SMARCD1: variants seen among roughly 807,000 people sequenced by gnomAD.
SMARCD1 encodes the protein SWI/SNF related BAF chromatin remodeling complex subunit D1.
In SMARCD1, 16 loss-of-function variants were observed where a neutral mutation model predicts 70.8. The ratio of observed to expected loss-of-function variants is 0.23; its 90% CI spans 0.15 to 0.34. The LOEUF (loss-of-function observed/expected upper bound fraction) is 0.34. SMARCD1 is among the 10% of genes least tolerant of loss of function. The pLI is 1.00. For synonymous variants in SMARCD1, 249 were observed against 246.0 expected (o/e 1.01, Z -0.11); for missense variants, 409 against 655.5 (o/e 0.62, Z 4.11).
Position 50,085,491 on chromosome 12 carries a change from G to T in SMARCD1, c.122G>T (p.Gly41Val). 1 of 1,239,364 alleles carries T rather than the reference G, an allele frequency of 8.1e-7. No individual in the cohort carries two copies. The highest frequency in any genetic ancestry group is 1.0e-6 in the Non-Finnish European group (1 of 991,530). The allele number at this position is 1,239,364 out of a possible 1,614,324, so 76.8% of individuals were successfully genotyped here. ...ACTCCGGGGCCTCCTGTGCGAATGG[G>T]CCCGGCTCCGGGTCAAGGGCTGTAC... ...GGTPGPPVRMGPAPGQGLYRS... is the reference protein window; with the variant it reads ...GGTPGPPVRMVPAPGQGLYRS... Residue 41 changes from glycine (G) to valine (V), a missense_variant, in exon 1 of 13, where the codon GGC becomes GTC. Gly to Val is a moderately radical substitution (Grantham distance 109). This residue lies in a region of SMARCD1 where 140 missense variants were observed against 156.9 expected (regional missense o/e 0.89). Coordinates refer to ENST00000394963, the MANE Select transcript of SMARCD1 (RefSeq NM_003076.5).
At chr12:50,098,019 T>A (rs1950908276) in intron 11 of SMARCD1, among the ~76,000 whole-genome samples, 1 of 152,116 alleles carries the variant, frequency 6.6e-6, no homozygotes, top group African/African-American at 2.4e-5. Flanking sequence ...TTTGAAGACG[T>A]TCCCAGAAAG....
At chr12:50,090,859 C>G (rs1330590302) in intron 9 of SMARCD1, among the ~76,000 whole-genome samples, 1 of 119,972 alleles carries the variant, frequency 8.3e-6, no homozygotes, top group East Asian at 2.5e-4. Flanking sequence ...GAGTCTCACT[C>G]TGTTGCCCAG....
chr12:50,093,356 G>A (rs1950864270), intron 9 of SMARCD1, among the ~76,000 whole-genome samples: 1 of 151,932 alleles, frequency 6.6e-6, no homozygotes, highest in South Asian at 2.1e-4. Context: ...TTGTATTGAG[G>A]TTTCGCCATG....
chr12:50,097,279 G>A (rs1214938762), intron 11 of SMARCD1, among the ~76,000 whole-genome samples: 1 of 152,220 alleles, frequency 6.6e-6, no homozygotes, highest in Non-Finnish European at 1.5e-5. Flanking sequence ...AGCCGGGCAT[G>A]GTGGCTCACA....
In SMARCD1 at chr12:50,090,004, A is replaced by AG; in HGVS notation, c.873+24dup. 6.3e-7 allele frequency: 1 copy of AG among 1,586,516 alleles called. No individual in the cohort carries two copies. The highest frequency in any genetic ancestry group is 8.7e-7 in the Non-Finnish European group (1 of 1,154,836). ...TTACCAGGTATTCTGTGGTGGTGTG[A>AG]GGGGGTCCAGCTTTCACAGCCACAT... On this transcript the variant is annotated intron_variant, in intron 7 of 12. Transcript: ENST00000394963.
intron 4 of SMARCD1, 82 bp downstream of exon 4, chr12:50,086,960 C>A: frequency 1.5e-6 from 2 of 1,368,104 alleles, no homozygotes; most frequent in Non-Finnish European, 2.0e-6. Context: ...AAATCAAAGG[C>A]ACAGCACAAC....
chr12:50,094,334 C>A, intron 9 of SMARCD1, 103 bp from the exon 10 acceptor site: 5 of 1,161,784 alleles, frequency 4.3e-6, no homozygotes, highest in Non-Finnish European at 4.9e-6. Flanking sequence ...GGCCCTTTTA[C>A]AGTTAGCCCC....
rs1254620098 is a variant in SMARCD1 at position 50,099,840 on chromosome 12, TTCAC to T, written c.*847_*850del. 1.3e-5 allele frequency: 2 copies of T among 152,988 alleles called. No individual in the cohort carries two copies. The highest frequency in any genetic ancestry group is 4.8e-5 in the African/African-American group (2 of 41,448). The allele number at this position is 152,988 out of a possible 1,614,324, so 9.5% of individuals were successfully genotyped here. A position where few individuals can be genotyped will look rare whatever the true frequency, so the allele number is the denominator to read the frequency against. ...GCTGTTTGGAGATGTGACTCATTCA[TTCAC>T]TCACTCCACCCTGCCTCTGCATCCC... is the stretch of plus-strand genomic sequence containing the variant. On this transcript the variant is annotated 3_prime_UTR_variant, in exon 13 of 13. Coordinates refer to ENST00000394963, the MANE Select transcript of SMARCD1 (RefSeq NM_003076.5).
chr12:50,090,573 C>G lies in SMARCD1; in HGVS notation c.1116C>G (p.Ile372Met), dbSNP rs1565739863. The G allele has an allele frequency of 1.2e-6, 2 of 1,613,424 alleles. No homozygotes were observed. The highest frequency in any genetic ancestry group is 1.7e-6 in the Non-Finnish European group (2 of 1,179,370). The change falls in exon 9 of 13, where the codon ATC (isoleucine) becomes ATG (methionine). Residue 372 changes from isoleucine (I) to methionine (M), a missense_variant. By Grantham distance (10) the Ile-to-Met change is conservative. Coordinates refer to ENST00000394963, the MANE Select transcript of SMARCD1 (RefSeq NM_003076.5). ...TGCTTATGCCACCAGAACCTATCAT[C>G]ATTAATCATGTCATCAGGTAGGCCT... ...HALLMPPEPIIINHVISVDPN... is the reference protein window; with the variant it reads ...HALLMPPEPIMINHVISVDPN...
At chr12:50,088,894 A>G (rs1950816294) in intron 6 of SMARCD1, 5 of 251,538 alleles carry the variant, frequency 2.0e-5, no homozygotes, top group Non-Finnish European at 3.8e-5. Flanking sequence ...TTTCAAGGGA[A>G]AGTCTACTGG....
intron 9 of SMARCD1, among the ~76,000 whole-genome samples, chr12:50,093,697 G>A (rs1308751267): frequency 6.6e-6 from 1 of 151,930 alleles, no homozygotes; most frequent in African/African-American, 2.4e-5. Flanking sequence ...GTGTAGGCTG[G>A]TCTCAAACTC....
At chr12:50,090,046 C>CTT in intron 7 of SMARCD1, 61 bp downstream of exon 7, 1 of 1,447,708 alleles carries the variant, frequency 6.9e-7, no homozygotes, top group Non-Finnish European at 9.7e-7. Flanking sequence ...AGCAGTCTCA[C>CTT]TTTAAAGAGT....
chr12:50,091,662 C>T (rs1471186044), intron 9 of SMARCD1, among the ~76,000 whole-genome samples: 7 of 151,320 alleles, frequency 4.6e-5, no homozygotes, highest in African/African-American at 1.2e-4. Flanking sequence ...CTGAAACCTC[C>T]GCCACCTGAG....
Position 50,099,141 on chromosome 12 carries a change from G to A in SMARCD1, c.*141G>A. 2.8e-6 allele frequency: 2 copies of A among 719,242 alleles called. No homozygotes were observed. Among genetic ancestry groups the A allele is most frequent in the Non-Finnish European group, 4.9e-6 (2 of 408,968 alleles). The allele number at this position is 719,242 out of a possible 1,614,324, so 44.6% of individuals were successfully genotyped here. ...TCAAGGACAACACCAGAATGAAGAG[G>A]GTCTCACAAGACACCTGTTATCCTC... is the stretch of plus-strand genomic sequence containing the variant. On this transcript the variant is annotated 3_prime_UTR_variant, in exon 13 of 13. Coordinates refer to ENST00000394963, the MANE Select transcript of SMARCD1 (RefSeq NM_003076.5).
At position 50,100,261 on chromosome 12, in the gene SMARCD1, A is replaced by G. The variant is rs2137912122; in HGVS notation, c.*1261A>G. ...CAAGGGTGGGAGACAGCTGGGCACA[A>G]AGGGGGAATTCCGTTCAGCATGGGC... is the stretch of plus-strand genomic sequence containing the variant. On this transcript the variant is annotated 3_prime_UTR_variant, in exon 13 of 13. Coordinates refer to ENST00000394963, the MANE Select transcript of SMARCD1 (RefSeq NM_003076.5). The G allele has an allele frequency of 6.5e-6, 1 of 152,698 alleles. No homozygotes were observed. The highest frequency in any genetic ancestry group is 1.9e-4 in the East Asian group (1 of 5,190). The allele number at this position is 152,698 out of a possible 1,614,324, so 9.5% of individuals were successfully genotyped here.
In SMARCD1 at chr12:50,096,919, G is replaced by T; in HGVS notation, c.1339G>T (p.Asp447Tyr). Residue 447 changes from aspartate (D) to tyrosine (Y), a missense_variant, in exon 11 of 13, where the codon GAC becomes TAC. By Grantham distance (160) the Asp-to-Tyr change is radical. This residue lies in a region of SMARCD1 where 269 missense variants were observed against 498.6 expected (regional missense o/e 0.54). Transcript: ENST00000394963. ...QREFMLSFARDPQGFINDWLQ... is the reference protein window; with the variant it reads ...QREFMLSFARYPQGFINDWLQ... Reference sequence around the variant, plus strand: ...GGAGTTCATGCTGAGCTTTGCCAGAGACCCTCAGGGTTTCATCAATGACTG... The same window carrying T: ...GGAGTTCATGCTGAGCTTTGCCAGATACCCTCAGGGTTTCATCAATGACTG... 6.2e-7 allele frequency: 1 copy of T among 1,614,044 alleles called. No individual in the cohort carries two copies. The highest frequency in any genetic ancestry group is 8.5e-7 in the Non-Finnish European group (1 of 1,179,908).
intron 2 of SMARCD1, 85 bp downstream of exon 2, chr12:50,086,433 G>A (rs1384941342): frequency 7.5e-7 from 1 of 1,329,778 alleles, no homozygotes; most frequent in African/African-American, 1.5e-5. Context: ...AGAAGTGGTG[G>A]TGCTGTGTCA....
rs150292318 is a variant in SMARCD1, at chr12:50,088,135, G to T, written c.655-386G>T. On this transcript the variant is annotated intron_variant, in intron 5 of 12. Coordinates refer to ENST00000394963, the MANE Select transcript of SMARCD1 (RefSeq NM_003076.5). ...TATAGGTCCGGTCCATCTGCTGGTGGTGTCATTCTGTCCAAATAAAGCTGT... is the reference window on the plus strand; with the variant it reads ...TATAGGTCCGGTCCATCTGCTGGTGTTGTCATTCTGTCCAAATAAAGCTGT... 327 of 647,186 alleles carry T rather than the reference G, an allele frequency of 5.1e-4. 3 individuals are homozygous for T. In the East Asian group the frequency reaches 9.1e-3, roughly 18 times the overall value. The allele number at this position is 647,186 out of a possible 1,614,324, so 40.1% of individuals were successfully genotyped here. A position where few individuals can be genotyped will look rare whatever the true frequency, so the allele number is the denominator to read the frequency against.
chr12:50,086,496 G>GGGGGTGGTGGTGGTGGTGGTGGTA (rs1950792253), intron 2 of SMARCD1, 125 bp from the exon 3 acceptor site: 1 of 1,139,166 alleles, frequency 8.8e-7, no homozygotes, highest in African/African-American at 1.6e-5. Context: ...TGGTGGTGGT[G>GGGGGTGGTGGTGGTGGTGGTGGTA]GTGGTAGTTC....
Sources: gnomAD v4.1 joint callset for allele counts (sites outside exome capture counted in the v4.1 genomes callset) on GRCh38, gnomAD v4.1.1 for gene constraint, gnomAD v4.1.1 regional missense constraint, MANE v1.5 for transcripts, NCBI Gene and HGNC (gene_info 2026-07-23, HGNC 2026-07-21) for gene names.